Variants in FANK1 observed in about 807,000 individuals in gnomAD.
FANK1 encodes fibronectin type 3 and ankyrin repeat domains protein 1.
A neutral mutation model predicts 45.3 loss-of-function variants in FANK1; 44 were observed. That is an observed-to-expected ratio of 0.97 (90% CI 0.76 to 1.25). FANK1 has a LOEUF of 1.25. FANK1 is among the 50% of genes most tolerant of loss of function. The pLI, the probability that FANK1 is intolerant of heterozygous loss-of-function variation, is 0.00. For missense variants in FANK1, 391 were observed against 424.4 expected (o/e 0.92, Z 0.69); for synonymous variants, 149 against 152.5 (o/e 0.98, Z 0.17).
At chr10:125,928,385 A>G (rs1211973176) in intron 1 of FANK1, among the ~76,000 whole-genome samples, 1 of 150,596 alleles carries the variant, frequency 6.6e-6, no homozygotes, top group Non-Finnish European at 1.5e-5. Flanking sequence ...CACTCTTGTC[A>G]CCATCTTGGT....
At chr10:125,979,952 T>A (rs1246249652) in intron 1 of FANK1, 9 of 636,910 alleles carry the variant, frequency 1.4e-5, no homozygotes, top group Non-Finnish European at 2.6e-5. Context: ...CAATATATGC[T>A]TGTTGAAGAC....
At chr10:125,970,320 G>T (rs1950426977) in intron 1 of FANK1, among the ~76,000 whole-genome samples, 1 of 151,830 alleles carries the variant, frequency 6.6e-6, no homozygotes, top group Non-Finnish European at 1.5e-5. Context: ...GCGGCGGCCG[G>T]GCGGAGGCGC....
At chr10:125,909,137 C>T (rs183581432) in intron 1 of FANK1, among the ~76,000 whole-genome samples, 2 of 152,336 alleles carry the variant, frequency 1.3e-5, no homozygotes, top group East Asian at 3.9e-4. Context: ...AATGTCCTTG[C>T]AGTATGGTAG....
Position 126,005,103 on chromosome 10 carries a change from G to A in FANK1, c.705+54G>A. On this transcript the variant is annotated intron_variant, in intron 7 of 10. Transcript: ENST00000368693. ...CATATCGTTAAGAATCTGAAATGCT[G>A]CTCCATGGGGTCTGGCAGAAGCAGG... 1.9e-6 allele frequency: 3 copies of A among 1,558,090 alleles called. No homozygotes were observed. In the Admixed American group the frequency reaches 5.4e-5, roughly 28 times the overall value.
intron 1 of FANK1, among the ~76,000 whole-genome samples, chr10:125,934,300 C>T (rs1007026302): frequency 1.3e-5 from 2 of 152,090 alleles, no homozygotes; most frequent in Admixed American, 6.5e-5. Context: ...AGATAGTTTG[C>T]GTTTTATTAC....
intron 3 of FANK1, among the ~76,000 whole-genome samples, chr10:125,993,999 C>T (rs1269403526): frequency 2.0e-5 from 3 of 152,154 alleles, no homozygotes; most frequent in Admixed American, 6.5e-5. Flanking sequence ...TGAAACCCTC[C>T]GAGGAAACCC....
At chr10:125,927,458 T>A (rs1211586090) in intron 1 of FANK1, among the ~76,000 whole-genome samples, 2 of 152,218 alleles carry the variant, frequency 1.3e-5, no homozygotes, top group African/African-American at 4.8e-5. Flanking sequence ...TGCATTCAGT[T>A]TTACTAATAT....
At chr10:125,953,800 G>A (rs766161997) in intron 1 of FANK1, among the ~76,000 whole-genome samples, 13 of 152,268 alleles carry the variant, frequency 8.5e-5, no homozygotes, top group South Asian at 6.2e-4. Flanking sequence ...AGCTGGGCAC[G>A]CTGCTGCTTC....
At position 125,970,621 on chromosome 10, in the gene FANK1, G is replaced by C. The variant is rs188591103; in HGVS notation, c.14-9540G>C. On this transcript the variant is annotated intron_variant, in intron 1 of 10. Coordinates refer to ENST00000368693, the MANE Select transcript of FANK1 (RefSeq NM_145235.5). ...CGAGGTCAGGAGCTGGAGACCAGCC[G>C]GGCCAACACGGCGAAACCCCTTCTC... 6.2e-3 allele frequency among the ~76,000 whole-genome samples: 943 copies of C among 152,286 alleles called. 13 individuals are homozygous for C. The highest frequency in any genetic ancestry group is 0.021 in the African/African-American group (888 of 41,566).
intron 1 of FANK1, among the ~76,000 whole-genome samples, chr10:125,969,932 T>C (rs970950236): frequency 6.6e-6 from 1 of 152,204 alleles, no homozygotes; most frequent in Non-Finnish European, 1.5e-5. Flanking sequence ...TCAGAGAGCA[T>C]GGGGTTGGGG....
intron 2 of FANK1, among the ~76,000 whole-genome samples, chr10:125,986,202 G>A (rs531127794): frequency 6.6e-6 from 1 of 152,296 alleles, no homozygotes; most frequent in South Asian, 2.1e-4. Context: ...TTAGGAGACT[G>A]AATCCACCAG....
intron 1 of FANK1, among the ~76,000 whole-genome samples, chr10:125,912,290 CTG>C (rs1946078155): frequency 6.6e-6 from 1 of 152,208 alleles, no homozygotes; most frequent in African/African-American, 2.4e-5. Flanking sequence ...GAAGCACAAA[CTG>C]TAACTCAAGT....
At chr10:125,943,458 C>A (rs1948580728) in intron 1 of FANK1, among the ~76,000 whole-genome samples, 1 of 152,098 alleles carries the variant, frequency 6.6e-6, no homozygotes, top group Non-Finnish European at 1.5e-5. Flanking sequence ...ATTTTCATCA[C>A]CCCCAGGAGA....
At chr10:125,956,678 C>T (rs1949597847) in intron 1 of FANK1, among the ~76,000 whole-genome samples, 1 of 152,082 alleles carries the variant, frequency 6.6e-6, no homozygotes, top group African/African-American at 2.4e-5. Flanking sequence ...AGAGTTAGAT[C>T]ATTGTGTGGT....
chr10:125,965,978 T>G (rs1564921284), intron 1 of FANK1, among the ~76,000 whole-genome samples: 2 of 152,208 alleles, frequency 1.3e-5, no homozygotes, highest in African/African-American at 4.8e-5. Flanking sequence ...TTTTTTTGTT[T>G]GCAGTAAATC....
chr10:126,000,523 G>C (rs1020899410), intron 6 of FANK1, among the ~76,000 whole-genome samples: 1 of 152,076 alleles, frequency 6.6e-6, no homozygotes, highest in African/African-American at 2.4e-5. Flanking sequence ...ATGTTTGAAG[G>C]AAAAAGTCAA....
At chr10:125,919,195 A>ATT (rs142716284) in intron 1 of FANK1, among the ~76,000 whole-genome samples, 17,110 of 51,152 alleles carry the variant, frequency 0.33, 5,494 homozygotes, top group Non-Finnish European at 0.41. Flanking sequence ...GGAGGTAAGA[A>ATT]TTTTTTTTTT....
chr10:125,902,492 TTATTCTACAA>T (rs1253448423), intron 1 of FANK1, among the ~76,000 whole-genome samples: 1 of 152,218 alleles, frequency 6.6e-6, no homozygotes, highest in Non-Finnish European at 1.5e-5. Flanking sequence ...TTATTCTACA[TTATTCTACAA>T]CACAAAGGGC....
intron 1 of FANK1, among the ~76,000 whole-genome samples, chr10:125,933,268 T>C (rs1289578333): frequency 6.6e-6 from 1 of 151,878 alleles, no homozygotes; most frequent in Non-Finnish European, 1.5e-5. Context: ...GTCCTAGACT[T>C]TTTTTTTGTT....
Sources: gnomAD v4.1 joint callset for allele counts (sites outside exome capture counted in the v4.1 genomes callset) on GRCh38, gnomAD v4.1.1 for gene constraint, MANE v1.5 for transcripts, NCBI Gene and HGNC (gene_info 2026-07-23, HGNC 2026-07-21) for gene names.